Variants in BAIAP2L1 observed in about 807,000 individuals in gnomAD.
BAIAP2L1 encodes the protein BAR/IMD domain-containing adapter protein 2-like 1.
A neutral mutation model predicts 66.3 loss-of-function variants in BAIAP2L1; 35 were observed. The ratio of observed to expected loss-of-function variants is 0.53; its 90% CI spans 0.40 to 0.70. The LOEUF is 0.70. Ranked by LOEUF, BAIAP2L1 falls within the 30% of genes least tolerant of loss-of-function variation. The pLI is 0.00. For synonymous variants in BAIAP2L1, 269 were observed against 248.7 expected, an observed-to-expected ratio of 1.08 and a Z score of -0.77; for missense variants, 622 against 656.9, an observed-to-expected ratio of 0.95 and a Z score of 0.58.
chr7:98,310,872 G>A (rs1800843899), intron 8 of BAIAP2L1, among the ~76,000 whole-genome samples: 1 of 151,934 alleles, frequency 6.6e-6, no homozygotes, highest in African/African-American at 2.4e-5. Flanking sequence ...TTTTAGTAGA[G>A]ATGAGGTTTC....
chr7:98,352,609 T>G (rs961867467), intron 3 of BAIAP2L1, among the ~76,000 whole-genome samples: 1 of 152,122 alleles, frequency 6.6e-6, no homozygotes, highest in African/African-American at 2.4e-5. Context: ...GCCACTGCAC[T>G]CCAGCCTAGG....
Position 98,319,593 on chromosome 7 carries a change from C to G in BAIAP2L1, c.348+465G>C, listed in dbSNP as rs889910773. Among the ~76,000 whole-genome samples the G allele has an allele frequency of 2.7e-5, 4 of 148,130 alleles. No homozygotes were observed. In the Admixed American group the frequency reaches 2.8e-4, roughly 10 times the overall value. Reference sequence around the variant, plus strand: ...ATGGAGTCTTGCTCTGTCGCCCAGGCTGGAGTGCAGTGGCGCAATCTTGGC... The same window carrying G: ...ATGGAGTCTTGCTCTGTCGCCCAGGGTGGAGTGCAGTGGCGCAATCTTGGC... On this transcript the variant is annotated intron_variant, in intron 5 of 13. Coordinates refer to ENST00000005260, the MANE Select transcript of BAIAP2L1 (RefSeq NM_018842.5).
intron 1 of BAIAP2L1, among the ~76,000 whole-genome samples, chr7:98,367,717 A>G (rs1802419099): frequency 6.6e-6 from 1 of 151,852 alleles, no homozygotes; most frequent in Non-Finnish European, 1.5e-5. Context: ...TTGTATTTTT[A>G]GTAGAGACGG....
intron 1 of BAIAP2L1, among the ~76,000 whole-genome samples, chr7:98,372,296 C>T (rs2115767895): frequency 6.6e-6 from 1 of 152,146 alleles, no homozygotes; most frequent in African/African-American, 2.4e-5. Context: ...GTCCCAGCTA[C>T]TCAGCAGGCT....
At position 98,335,756 on chromosome 7, in the gene BAIAP2L1, G is replaced by A. The variant is rs372697364; in HGVS notation, c.215-15458C>T. On this transcript the variant is annotated intron_variant, in intron 3 of 13. Transcript: ENST00000005260. ...AGCTCCCCCGCTGGGACTCCTCTCC[G>A]GCAGATGCCCCTGAAGGACCACCGG... is the stretch of plus-strand genomic sequence containing the variant. 1.4e-3 allele frequency among the ~76,000 whole-genome samples: 211 copies of A among 152,164 alleles called. 1 individual carries two copies. Among genetic ancestry groups the A allele is most frequent in the African/African-American group, 4.5e-3 (186 of 41,522 alleles).
At chr7:98,380,769 A>AACCACCACCACCGCCACT (rs1397205607) in intron 1 of BAIAP2L1, among the ~76,000 whole-genome samples, 2 of 148,026 alleles carry the variant, frequency 1.4e-5, no homozygotes, top group Non-Finnish European at 3.0e-5. Flanking sequence ...AAAAAAAAGG[A>AACCACCACCACCGCCACT]ACCACCACCA....
At chr7:98,358,655 C>T (rs1027296135) in intron 2 of BAIAP2L1, among the ~76,000 whole-genome samples, 1 of 152,180 alleles carries the variant, frequency 6.6e-6, no homozygotes, top group Non-Finnish European at 1.5e-5. Context: ...CCATACCTAG[C>T]ATAGTTCTAT....
In BAIAP2L1 at chr7:98,393,629, C is replaced by T. The variant is rs529099492; in HGVS notation, c.51+7173G>A. 2.4e-4 allele frequency among the ~76,000 whole-genome samples: 36 copies of T among 151,824 alleles called. 1 individual carries two copies. The South Asian group carries it at 6.9e-3, about 29-fold the overall frequency. The stretch of plus-strand genomic sequence containing the variant: ...TCTCCCGCCTCAGCCTCCCGAGTAG[C>T]TGGGACTACAGCCTCCCGCCACCGC... On this transcript the variant is annotated intron_variant, in intron 1 of 13. Transcript: ENST00000005260.
chr7:98,306,659 T>C, intron 10 of BAIAP2L1, 143 bp from the exon 11 acceptor site: 1 of 1,218,952 alleles, frequency 8.2e-7, no homozygotes. Context: ...ATTAAGGCTT[T>C]TAATAGGTAA....
chr7:98,368,116 A>C (rs1317880832), intron 1 of BAIAP2L1, among the ~76,000 whole-genome samples: 1 of 152,016 alleles, frequency 6.6e-6, no homozygotes, highest in African/African-American at 2.4e-5. Flanking sequence ...CATTGTGAGA[A>C]TGTTATATAA....
At chr7:98,307,665 G>T in intron 10 of BAIAP2L1, 24 bp downstream of exon 10, 1 of 1,612,548 alleles carries the variant, frequency 6.2e-7, no homozygotes. Context: ...GGTGCCCTGC[G>T]GGGACCATCA....
intron 3 of BAIAP2L1, among the ~76,000 whole-genome samples, chr7:98,329,920 T>C (rs928044333): frequency 6.6e-6 from 1 of 152,118 alleles, no homozygotes; most frequent in Non-Finnish European, 1.5e-5. Flanking sequence ...ACAGGCTTCA[T>C]TTAGAAGAAT....
chr7:98,377,452 T>C (rs1171152441), intron 1 of BAIAP2L1, among the ~76,000 whole-genome samples: 1 of 152,194 alleles, frequency 6.6e-6, no homozygotes, highest in Non-Finnish European at 1.5e-5. Flanking sequence ...TGTTTTGCCA[T>C]GTTCTCCCCA....
chr7:98,347,384 G>A (rs1584474583), intron 3 of BAIAP2L1, among the ~76,000 whole-genome samples: 2 of 152,116 alleles, frequency 1.3e-5, no homozygotes, highest in Non-Finnish European at 2.9e-5. Flanking sequence ...GTATCAAAAT[G>A]ACTTTGTGTG....
At chr7:98,306,615 T>C in intron 10 of BAIAP2L1, 99 bp from the exon 11 acceptor site, 1 of 1,558,294 alleles carries the variant, frequency 6.4e-7, no homozygotes, top group Non-Finnish European at 8.8e-7. Context: ...ACAGGTCCAC[T>C]GCTCCAGAAA....
chr7:98,355,008 G>C (rs1473533111), intron 3 of BAIAP2L1, 34 bp downstream of exon 3: 1 of 1,510,910 alleles, frequency 6.6e-7, no homozygotes, highest in South Asian at 1.1e-5. Context: ...AGGATGACAA[G>C]TGGGGTTTAT....
intron 7 of BAIAP2L1, among the ~76,000 whole-genome samples, chr7:98,312,892 G>A (rs1416460643): frequency 1.3e-5 from 2 of 152,186 alleles, no homozygotes; most frequent in South Asian, 2.1e-4. Flanking sequence ...CCACAAGCCT[G>A]GCTCTGCTCC....
chr7:98,301,107 G>A (rs189201402), intron 12 of BAIAP2L1, among the ~76,000 whole-genome samples: 2 of 152,106 alleles, frequency 1.3e-5, no homozygotes, highest in Admixed American at 1.3e-4. Context: ...TCTCATCTCT[G>A]TCCACAAAAC....
chr7:98,358,604 A>C lies in BAIAP2L1; in HGVS notation c.128-3476T>G, dbSNP rs569553466. 2.6e-5 allele frequency among the ~76,000 whole-genome samples: 4 copies of C among 152,120 alleles called. No homozygotes were observed. In the South Asian group the frequency reaches 8.3e-4, roughly 32 times the overall value. ...ACTCCTGGGCTCAAGCGATCCTCCC[A>C]CCTCAGCCTCCCAAAGTGCTGGCAT... On this transcript the variant is annotated intron_variant, in intron 2 of 13. Coordinates refer to ENST00000005260, the MANE Select transcript of BAIAP2L1 (RefSeq NM_018842.5).
Sources: gnomAD v4.1 joint callset for allele counts (sites outside exome capture counted in the v4.1 genomes callset) on GRCh38, gnomAD v4.1.1 for gene constraint, MANE v1.5 for transcripts, NCBI Gene and HGNC (gene_info 2026-07-23, HGNC 2026-07-21) for gene names.